JDP2: variants seen among roughly 807,000 people sequenced by gnomAD.
The protein encoded by JDP2 is Jun dimerization protein 2.
In JDP2, 9 loss-of-function variants were observed where a neutral mutation model predicts 17.1. That is an observed-to-expected ratio of 0.53 (90% CI 0.32 to 0.92). JDP2 has a LOEUF of 0.92. Ranked by LOEUF, JDP2 falls within the 40% of genes least tolerant of loss-of-function variation. The probability of loss-of-function intolerance (pLI) is 0.04; values close to 1 mark genes in which losing one functional copy is unlikely to be tolerated. For missense variants in JDP2, 179 were observed against 220.0 expected (o/e 0.81, Z 1.18); for synonymous variants, 107 against 95.6 (o/e 1.12, Z -0.69).
chr14:75,444,006 A>T (rs1885480496), intron 2 of JDP2, among the ~76,000 whole-genome samples: 1 of 152,092 alleles, frequency 6.6e-6, no homozygotes. Context: ...GAGCTCAAGA[A>T]ATCCTCTCAC....
intron 1 of JDP2, among the ~76,000 whole-genome samples, chr14:75,431,018 C>T (rs1010957306): frequency 6.6e-6 from 1 of 152,112 alleles, no homozygotes; most frequent in African/African-American, 2.4e-5. Flanking sequence ...ATTTGCAAAG[C>T]TTCAGCTGGC....
intron 1 of JDP2, among the ~76,000 whole-genome samples, chr14:75,433,896 T>C (rs1884936464): frequency 6.6e-6 from 1 of 152,190 alleles, no homozygotes; most frequent in African/African-American, 2.4e-5. Context: ...TTATGCCCCC[T>C]AGTTACTCAT....
intron 2 of JDP2, among the ~76,000 whole-genome samples, chr14:75,451,580 T>A (rs983100233): frequency 4.6e-5 from 7 of 151,416 alleles, no homozygotes; most frequent in African/African-American, 1.7e-4. Flanking sequence ...GCGTATCGAG[T>A]GAGGAGAGTA....
intron 2 of JDP2, among the ~76,000 whole-genome samples, chr14:75,442,187 T>A (rs1348834169): frequency 6.6e-6 from 1 of 152,206 alleles, no homozygotes; most frequent in Non-Finnish European, 1.5e-5. Context: ...CTTTCTTTTT[T>A]AACAAAATCA....
At chr14:75,453,977 G>T (rs983824963) in intron 2 of JDP2, among the ~76,000 whole-genome samples, 1 of 152,204 alleles carries the variant, frequency 6.6e-6, no homozygotes, top group Non-Finnish European at 1.5e-5. Flanking sequence ...CTTGGGTTGA[G>T]AATGTAATTT....
intron 1 of JDP2, among the ~76,000 whole-genome samples, chr14:75,433,646 A>G (rs551424080): frequency 4.2e-4 from 64 of 150,838 alleles, no homozygotes; most frequent in African/African-American, 1.5e-3. Flanking sequence ...TCTTAGGATC[A>G]ACAACAGCTT....
At chr14:75,434,624 T>G (rs1427567437) in intron 1 of JDP2, among the ~76,000 whole-genome samples, 1 of 152,086 alleles carries the variant, frequency 6.6e-6, no homozygotes, top group African/African-American at 2.4e-5. Context: ...TTTGGGATCA[T>G]TTGTTAGTGT....
At chr14:75,465,156 G>T (rs3784010) in intron 3 of JDP2, among the ~76,000 whole-genome samples, 3 of 152,210 alleles carry the variant, frequency 2.0e-5, no homozygotes, top group Admixed American at 2.0e-4. Context: ...TAGGAAACTC[G>T]TTTGTGGAAG....
At chr14:75,467,985 AC>A (rs1156507362) in intron 3 of JDP2, among the ~76,000 whole-genome samples, 1 of 152,064 alleles carries the variant, frequency 6.6e-6, no homozygotes, top group African/African-American at 2.4e-5. Flanking sequence ...GTTCGGTCAG[AC>A]CAGCTGTGGG....
At position 75,437,989 on chromosome 14, in the gene JDP2, CG is replaced by C; in HGVS notation, c.72del (p.Leu25SerfsTer6). On this transcript the variant is annotated frameshift_variant, in exon 2 of 4. Coordinates refer to ENST00000651602, the MANE Select transcript of JDP2 (RefSeq NM_001135048.2). LOFTEE classifies it high-confidence loss of function. ...GSLPGLGPLT[G>X]LPSSALTVEE... is the part of the protein sequence containing the mutation. ...CCCTGCCAGGGCTTGGCCCCCTGAC[CG>C]GGCTCCCCAGCTCGGCCCTGACTGT... 6.2e-7 allele frequency: 1 copy of C among 1,613,660 alleles called. No homozygotes were observed. The highest frequency in any genetic ancestry group is 1.7e-4 in the Middle Eastern group (1 of 6,052).
chr14:75,437,174 A>C (rs1885105530), intron 1 of JDP2, among the ~76,000 whole-genome samples: 1 of 37,762 alleles, frequency 2.6e-5, no homozygotes. Context: ...AGCCTGGGCA[A>C]AAAAAAAAAA....
rs1313619621 is a variant in JDP2, at chr14:75,473,913, C to G, written c.*4438C>G. 4.6e-5 allele frequency: 7 copies of G among 152,222 alleles called. No homozygotes were observed. The highest frequency in any genetic ancestry group is 1.7e-4 in the African/African-American group (7 of 41,454). The allele number at this position is 152,222 out of a possible 1,614,324, so 9.4% of individuals were successfully genotyped here. ...GAGGAGGGAACTAGGGATGCCACTGCAAGGGTAAGTAGGACGCTGGACTTC... is the reference window on the plus strand; with the variant it reads ...GAGGAGGGAACTAGGGATGCCACTGGAAGGGTAAGTAGGACGCTGGACTTC... On this transcript the variant is annotated 3_prime_UTR_variant, in exon 4 of 4. Coordinates refer to ENST00000651602, the MANE Select transcript of JDP2 (RefSeq NM_001135048.2).
At chr14:75,443,257 C>T (rs1223710815) in intron 2 of JDP2, among the ~76,000 whole-genome samples, 4 of 152,158 alleles carry the variant, frequency 2.6e-5, no homozygotes, top group African/African-American at 9.7e-5. Flanking sequence ...AAAAAGTTGC[C>T]CCAAACCAGC....
At chr14:75,451,274 A>G (rs572632597) in intron 2 of JDP2, among the ~76,000 whole-genome samples, 3 of 149,950 alleles carry the variant, frequency 2.0e-5, no homozygotes, top group Non-Finnish European at 4.4e-5. Context: ...GGACTGGGGC[A>G]GTGGTCAAGG....
At chr14:75,464,652 C>T (rs766130644) in intron 3 of JDP2, among the ~76,000 whole-genome samples, 1 of 152,148 alleles carries the variant, frequency 6.6e-6, no homozygotes, top group African/African-American at 2.4e-5. Flanking sequence ...GTATATATGT[C>T]ATAGGTAAAA....
At chr14:75,468,330 G>A (rs1019299227) in intron 3 of JDP2, among the ~76,000 whole-genome samples, 5 of 152,136 alleles carry the variant, frequency 3.3e-5, no homozygotes, top group Non-Finnish European at 7.3e-5. Flanking sequence ...TGCAGACATT[G>A]CCAAATGTCT....
At chr14:75,444,718 AG>A (rs1405965436) in intron 2 of JDP2, among the ~76,000 whole-genome samples, 3 of 152,228 alleles carry the variant, frequency 2.0e-5, no homozygotes, top group Non-Finnish European at 2.9e-5. Flanking sequence ...CCTTGACTGC[AG>A]TGCAGTATGT....
Position 75,431,139 on chromosome 14 carries a change from G to A in JDP2, c.-24+2887G>A, listed in dbSNP as rs1221478578. 2.6e-5 allele frequency among the ~76,000 whole-genome samples: 4 copies of A among 152,350 alleles called. No homozygotes were observed. In the South Asian group the frequency reaches 6.2e-4, roughly 24 times the overall value. ...CCAGCCACCAAGGACCAGAGCTGGCGTGAAGTAGAAGGGAAAATAGAAAGC... is the reference window on the plus strand; with the variant it reads ...CCAGCCACCAAGGACCAGAGCTGGCATGAAGTAGAAGGGAAAATAGAAAGC... On this transcript the variant is annotated intron_variant, in intron 1 of 3. Coordinates refer to ENST00000651602, the MANE Select transcript of JDP2 (RefSeq NM_001135048.2).
chr14:75,451,526 G>T (rs563877314), intron 2 of JDP2, among the ~76,000 whole-genome samples: 66 of 152,272 alleles, frequency 4.3e-4, no homozygotes, highest in Non-Finnish European at 7.6e-4. Flanking sequence ...ATGGGTGGTG[G>T]CTGAAACCAC....
Sources: gnomAD v4.1 joint callset for allele counts (sites outside exome capture counted in the v4.1 genomes callset) on GRCh38, gnomAD v4.1.1 for gene constraint, MANE v1.5 for transcripts, NCBI Gene and HGNC (gene_info 2026-07-23, HGNC 2026-07-21) for gene names.